FRMD4A: variants seen among roughly 807,000 people sequenced by gnomAD.
The protein encoded by FRMD4A is FERM domain containing 4A.
Under a neutral mutation model 129.1 loss-of-function variants are expected in FRMD4A, and 29 were observed. The ratio of observed to expected loss-of-function variants is 0.22; its 90% CI spans 0.17 to 0.31. The LOEUF is 0.31. Among genes scored for constraint, FRMD4A ranks in the 10% least tolerant of loss-of-function variants. The pLI, the probability that FRMD4A is intolerant of heterozygous loss-of-function variation, is 1.00. For missense variants in FRMD4A, 1,272 were observed against 1,375.8 expected (o/e 0.92, Z 1.19); for synonymous variants, 634 against 571.6 (o/e 1.11, Z -1.56).
Position 13,721,256 on chromosome 10 carries a change from C to T in FRMD4A, c.760-14143G>A, listed in dbSNP as rs555549577. ...CAGAAATTTGGGAGGCTGAGGTGGG[C>T]GGATCACCTGAGGTCAGGAGTTTGA... is the stretch of plus-strand genomic sequence containing the variant. On this transcript the variant is annotated intron_variant, in intron 12 of 24. Coordinates refer to ENST00000357447, the MANE Select transcript of FRMD4A (RefSeq NM_018027.5). Among the ~76,000 whole-genome samples, 19 of 152,194 alleles carry T rather than the reference C, an allele frequency of 1.2e-4. No homozygotes were observed. The East Asian group carries it at 1.5e-3, about 12-fold the overall frequency.
At chr10:13,970,006 G>A (rs986182816) in intron 2 of FRMD4A, among the ~76,000 whole-genome samples, 1 of 152,152 alleles carries the variant, frequency 6.6e-6, no homozygotes, top group Non-Finnish European at 1.5e-5. Context: ...TCTAAATCAC[G>A]GTTTCAGAAA....
chr10:14,234,650 AG>A (rs1476493974), intron 2 of FRMD4A, among the ~76,000 whole-genome samples: 1 of 152,236 alleles, frequency 6.6e-6, no homozygotes, highest in Admixed American at 6.5e-5. Flanking sequence ...CCCAATGAGA[AG>A]GGCCCTGGCT....
chr10:13,657,386 TC>T lies in FRMD4A; in HGVS notation c.2202del (p.Thr735LeufsTer30). The T allele has an allele frequency of 6.2e-7, 1 of 1,612,560 alleles. No individual in the cohort carries two copies. On this transcript the variant is annotated frameshift_variant, in exon 22 of 25. Transcript: ENST00000357447. LOFTEE classifies it high-confidence loss of function. ...GGGTCTGAGCCGTTGCTGCTACGAG[TC>T]CGCGGGGTGTAGAAGTCGGGGCTCC... ...DTGSPDFYTPRTRSSNGSDPM... is the reference protein window; with the variant it reads ...DTGSPDFYTPXTRSSNGSDPM...
chr10:13,731,326 A>C (rs1296254502), intron 12 of FRMD4A, among the ~76,000 whole-genome samples: 2 of 152,154 alleles, frequency 1.3e-5, no homozygotes, highest in Non-Finnish European at 2.9e-5. Context: ...CTGAGAGCTG[A>C]TGACGGGACA....
chr10:14,261,954 A>G (rs1476123619), intron 2 of FRMD4A, among the ~76,000 whole-genome samples: 1 of 114,452 alleles, frequency 8.7e-6, no homozygotes, highest in Admixed American at 8.4e-5. Flanking sequence ...ACACACACAC[A>G]CACACACACA....
At chr10:13,899,058 G>A (rs149040523) in intron 2 of FRMD4A, among the ~76,000 whole-genome samples, 1 of 152,010 alleles carries the variant, frequency 6.6e-6, no homozygotes, top group African/African-American at 2.4e-5. Context: ...TGCACCTGTA[G>A]TCTCAGCTAC....
chr10:13,904,594 G>T (rs2094859298), intron 2 of FRMD4A, among the ~76,000 whole-genome samples: 1 of 152,226 alleles, frequency 6.6e-6, no homozygotes, highest in Admixed American at 6.5e-5. Context: ...GTGTTCACCT[G>T]TACACGGTGT....
chr10:13,688,168 G>C (rs1282070987), intron 15 of FRMD4A, among the ~76,000 whole-genome samples: 1 of 152,244 alleles, frequency 6.6e-6, no homozygotes, highest in African/African-American at 2.4e-5. Context: ...CGATAGACTG[G>C]ATTAAGAAAA....
At chr10:14,050,118 T>A (rs1834189853) in intron 2 of FRMD4A, among the ~76,000 whole-genome samples, 1 of 152,198 alleles carries the variant, frequency 6.6e-6, no homozygotes, top group Non-Finnish European at 1.5e-5. Flanking sequence ...AAAATGGGGC[T>A]AATGACATTC....
intron 2 of FRMD4A, among the ~76,000 whole-genome samples, chr10:13,951,993 G>A (rs1034471434): frequency 8.7e-5 from 13 of 150,166 alleles, no homozygotes; most frequent in African/African-American, 3.2e-4. Flanking sequence ...GCTTTTTCAA[G>A]TTTTGGAGTT....
At chr10:13,835,103 A>G (rs181321917) in intron 3 of FRMD4A, among the ~76,000 whole-genome samples, 1 of 152,318 alleles carries the variant, frequency 6.6e-6, no homozygotes, top group East Asian at 1.9e-4. Flanking sequence ...TTCAAAATGC[A>G]TTCATTCAGC....
chr10:14,206,505 A>G (rs1176107142), intron 2 of FRMD4A, among the ~76,000 whole-genome samples: 8 of 152,140 alleles, frequency 5.3e-5, no homozygotes, highest in African/African-American at 1.9e-4. Context: ...CCTAATCTTT[A>G]AAAAGAGAAA....
intron 2 of FRMD4A, among the ~76,000 whole-genome samples, chr10:14,143,605 TTTG>T (rs568244806): frequency 1.5e-4 from 23 of 152,174 alleles, no homozygotes; most frequent in Admixed American, 5.2e-4. Flanking sequence ...ACAATAGTTT[TTTG>T]TTGTTGTTGT....
intron 2 of FRMD4A, among the ~76,000 whole-genome samples, chr10:14,235,763 C>T (rs1018568107): frequency 6.6e-6 from 1 of 152,194 alleles, no homozygotes; most frequent in Non-Finnish European, 1.5e-5. Context: ...ATCTTCTGTC[C>T]TTGAGAATAT....
chr10:13,883,098 C>T (rs2094566171), intron 2 of FRMD4A, among the ~76,000 whole-genome samples: 1 of 152,076 alleles, frequency 6.6e-6, no homozygotes, highest in Non-Finnish European at 1.5e-5. Context: ...GCCACTGCAC[C>T]CAGCCAGTTT....
chr10:13,982,376 G>C (rs2095564988), intron 2 of FRMD4A, among the ~76,000 whole-genome samples: 1 of 151,618 alleles, frequency 6.6e-6, no homozygotes, highest in Non-Finnish European at 1.5e-5. Context: ...CCAACACTTA[G>C]AGAGGCTGAG....
chr10:13,647,999 A>C (rs1481206903), intron 24 of FRMD4A: 2 of 148,806 alleles, frequency 1.3e-5, no homozygotes, highest in Admixed American at 1.3e-4. Flanking sequence ...GGTGAGTTTT[A>C]GGAGCATTTC....
chr10:13,893,526 T>G (rs924226838), intron 2 of FRMD4A, among the ~76,000 whole-genome samples: 10 of 152,154 alleles, frequency 6.6e-5, no homozygotes, highest in Admixed American at 3.3e-4. Flanking sequence ...CTACAACATT[T>G]TTTTTTCTTT....
At chr10:14,079,578 C>A (rs1835809837) in intron 2 of FRMD4A, among the ~76,000 whole-genome samples, 1 of 152,286 alleles carries the variant, frequency 6.6e-6, no homozygotes, top group Non-Finnish European at 1.5e-5. Flanking sequence ...AAGGGTGAAA[C>A]CTGCAATGCT....
Sources: gnomAD v4.1 joint callset for allele counts (sites outside exome capture counted in the v4.1 genomes callset) on GRCh38, gnomAD v4.1.1 for gene constraint, MANE v1.5 for transcripts, NCBI Gene and HGNC (gene_info 2026-07-23, HGNC 2026-07-21) for gene names.